NAALADL2: variants seen among roughly 807,000 people sequenced by gnomAD.
NAALADL2 encodes the protein inactive N-acetylated-alpha-linked acidic dipeptidase-like protein 2.
In NAALADL2, 76 loss-of-function variants were observed where a neutral mutation model predicts 87.2. The ratio of observed to expected loss-of-function variants is 0.87; its 90% CI spans 0.72 to 1.05. The LOEUF is 1.05. NAALADL2 is among the 50% of genes least tolerant of loss of function. The probability of loss-of-function intolerance (pLI) is 0.00; values close to 1 mark genes in which losing one functional copy is unlikely to be tolerated. For synonymous variants in NAALADL2, 354 were observed against 331.0 expected (o/e 1.07, Z -0.75); for missense variants, 1,089 against 945.8 (o/e 1.15, Z -1.99).
At chr3:175,018,958 T>A (rs1026178754) in intron 1 of NAALADL2, among the ~76,000 whole-genome samples, 1 of 152,056 alleles carries the variant, frequency 6.6e-6, no homozygotes, top group Non-Finnish European at 1.5e-5. Flanking sequence ...AGCATGTAAC[T>A]TTTTTGCCAT....
intron 3 of NAALADL2, among the ~76,000 whole-genome samples, chr3:174,804,461 T>G (rs1014984638): frequency 6.6e-6 from 1 of 152,176 alleles, no homozygotes; most frequent in Admixed American, 6.6e-5. Context: ...CCATTATTTC[T>G]TTCTCTTGCT....
chr3:175,171,970 G>C (rs1381057926), intron 2 of NAALADL2, among the ~76,000 whole-genome samples: 7 of 152,064 alleles, frequency 4.6e-5, no homozygotes, highest in Non-Finnish European at 2.9e-5. Flanking sequence ...CATACAGTTA[G>C]AAAATCTAAG....
chr3:175,285,675 C>T (rs1317039203), intron 4 of NAALADL2, among the ~76,000 whole-genome samples: 1 of 152,094 alleles, frequency 6.6e-6, no homozygotes, highest in Non-Finnish European at 1.5e-5. Flanking sequence ...TAAAGCATTA[C>T]ATTTAAAGCA....
At chr3:174,549,873 A>G (rs1711910482) in intron 1 of NAALADL2, among the ~76,000 whole-genome samples, 1 of 151,998 alleles carries the variant, frequency 6.6e-6, no homozygotes, top group Non-Finnish European at 1.5e-5. Flanking sequence ...GGGAGCATTT[A>G]TTCCATAACA....
chr3:174,451,625 A>G (rs1715486470), intron 1 of NAALADL2, among the ~76,000 whole-genome samples: 1 of 152,170 alleles, frequency 6.6e-6, no homozygotes, highest in South Asian at 2.1e-4. Context: ...ATTTGCCATT[A>G]TACTAGTCTA....
intron 12 of NAALADL2, among the ~76,000 whole-genome samples, chr3:175,743,920 G>A (rs1745587253): frequency 6.6e-6 from 1 of 152,166 alleles, no homozygotes; most frequent in Non-Finnish European, 1.5e-5. Context: ...AAAGAATTAA[G>A]CTTTTTGTAA....
intron 5 of NAALADL2, among the ~76,000 whole-genome samples, chr3:175,438,665 T>A (rs958681095): frequency 1.1e-4 from 17 of 152,044 alleles, no homozygotes; most frequent in African/African-American, 4.1e-4. Context: ...TTATAATAGT[T>A]AAAAACCAAG....
chr3:174,518,956 C>T (rs980944266), intron 1 of NAALADL2, among the ~76,000 whole-genome samples: 1 of 152,076 alleles, frequency 6.6e-6, no homozygotes. Context: ...TTGAATTATT[C>T]AGAGTAGAAA....
chr3:175,563,917 C>G (rs964604415), intron 9 of NAALADL2, among the ~76,000 whole-genome samples: 1 of 152,126 alleles, frequency 6.6e-6, no homozygotes, highest in African/African-American at 2.4e-5. Flanking sequence ...TGGGCTCACT[C>G]CAGCAAAGCT....
intron 6 of NAALADL2, among the ~76,000 whole-genome samples, chr3:175,450,464 T>C (rs115223232): frequency 0.011 from 1,657 of 152,328 alleles, 25 homozygotes; most frequent in African/African-American, 0.036. Flanking sequence ...ATTATTTATC[T>C]TACCCATTTA....
chr3:174,840,865 C>T (rs56057681), intron 3 of NAALADL2, among the ~76,000 whole-genome samples: 41 of 152,066 alleles, frequency 2.7e-4, no homozygotes, highest in Admixed American at 1.0e-3. Context: ...TACTTTAATC[C>T]TTCATCTTTT....
At chr3:175,256,655 G>A in intron 4 of NAALADL2, 125 bp downstream of exon 4, 2 of 790,154 alleles carry the variant, frequency 2.5e-6, no homozygotes, top group South Asian at 3.3e-5. Flanking sequence ...GAAGGGGAGA[G>A]GAAGAAAGAG....
rs149495933 is a variant in NAALADL2 at position 175,490,350 on chromosome 3, C to T, written c.1653+18592C>T. Among the ~76,000 whole-genome samples the T allele has an allele frequency of 1.7e-4, 26 of 152,010 alleles. No homozygotes were observed. In the East Asian group the frequency reaches 2.5e-3, roughly 15 times the overall value. On this transcript the variant is annotated intron_variant, in intron 9 of 13. Coordinates refer to ENST00000454872, the MANE Select transcript of NAALADL2 (RefSeq NM_207015.3). ...TATTGTTTTAATGAATCTTTTTCCT[C>T]GCTTAAAACATAAGTATCTATTTGT...
intron 9 of NAALADL2, among the ~76,000 whole-genome samples, chr3:175,497,569 T>C (rs372720004): frequency 1.1e-4 from 16 of 152,258 alleles, no homozygotes; most frequent in East Asian, 7.7e-4. Flanking sequence ...ACAATGACCA[T>C]TAAATCACAT....
intron 10 of NAALADL2, among the ~76,000 whole-genome samples, 191 bp downstream of exon 10, chr3:175,576,378 A>G (rs1196071296): frequency 6.6e-6 from 1 of 152,188 alleles, no homozygotes; most frequent in Non-Finnish European, 1.5e-5. Flanking sequence ...TTTCAATAGT[A>G]TTGAATTCAA....
At position 175,649,715 on chromosome 3, in the gene NAALADL2, A is replaced by C. The variant is rs115644905; in HGVS notation, c.1896+22329A>C. Among the ~76,000 whole-genome samples, 1,108 of 152,166 alleles carry C rather than the reference A, an allele frequency of 7.3e-3. 12 individuals carry two copies. Among genetic ancestry groups the C allele is most frequent in the African/African-American group, 0.026 (1,062 of 41,534 alleles). Reference sequence around the variant, plus strand: ...TAATCTCATCAGATCTTGGCCCCAGACTTATTACCTTACTTAACTTTAATT... The same window carrying C: ...TAATCTCATCAGATCTTGGCCCCAGCCTTATTACCTTACTTAACTTTAATT... On this transcript the variant is annotated intron_variant, in intron 11 of 13. Transcript: ENST00000454872.
At chr3:174,707,273 GAC>G (rs1437001291) in intron 2 of NAALADL2, among the ~76,000 whole-genome samples, 8 of 3,678 alleles carry the variant, frequency 2.2e-3, no homozygotes, top group African/African-American at 8.8e-3. Context: ...AATACCATTT[GAC>G]CCACCAATCC....
chr3:175,373,803 T>G (rs1766780576), intron 5 of NAALADL2, among the ~76,000 whole-genome samples: 1 of 152,216 alleles, frequency 6.6e-6, no homozygotes, highest in African/African-American at 2.4e-5. Context: ...GTCTCCTTGC[T>G]CTACATCCTT....
chr3:175,797,176 A>G (rs1753601758), intron 13 of NAALADL2, among the ~76,000 whole-genome samples: 2 of 152,068 alleles, frequency 1.3e-5, no homozygotes, highest in Non-Finnish European at 2.9e-5. Context: ...ACTTTCCTTT[A>G]GTAGTCTCTT....
Sources: gnomAD v4.1 joint callset for allele counts (sites outside exome capture counted in the v4.1 genomes callset) on GRCh38, gnomAD v4.1.1 for gene constraint, MANE v1.5 for transcripts, NCBI Gene and HGNC (gene_info 2026-07-23, HGNC 2026-07-21) for gene names.